ANKRD11: variants seen among roughly 807,000 people sequenced by gnomAD.
The protein encoded by ANKRD11 is ankyrin repeat domain 11, also known as ankyrin repeat domain-containing protein 11.
A neutral mutation model predicts 195.7 loss-of-function variants in ANKRD11; 17 were observed. The observed-to-expected ratio is 0.09, with a 90% confidence interval of 0.06 to 0.13. The LOEUF is 0.13. ANKRD11 is among the 10% of genes least tolerant of loss of function. ANKRD11 has a pLI of 1.00. For synonymous variants in ANKRD11, 1,953 were observed against 1,528.1 expected, an observed-to-expected ratio of 1.28 and a Z score of -6.49; for missense variants, 3,735 against 3,566.1, an observed-to-expected ratio of 1.05 and a Z score of -1.21.
Position 89,274,963 on chromosome 16 carries a change from G to A in ANKRD11, c.7570-6C>T, listed in dbSNP as rs752936167. The A allele has an allele frequency of 9.3e-6, 15 of 1,613,208 alleles. No individual in the cohort carries two copies. In the South Asian group the frequency reaches 1.5e-4, roughly 17 times the overall value. On this transcript the variant is annotated splice_polypyrimidine_tract_variant and splice_region_variant and intron_variant, in intron 10 of 12. Coordinates refer to ENST00000301030, the MANE Select transcript of ANKRD11 (RefSeq NM_013275.6). Reference sequence around the variant, plus strand: ...CAGGATACGATCAGCTTCTCCTGAAGGAGGAGAGGAGTAGAGTGAGCTGGG... The same window carrying A: ...CAGGATACGATCAGCTTCTCCTGAAAGAGGAGAGGAGTAGAGTGAGCTGGG...
intron 2 of ANKRD11, among the ~76,000 whole-genome samples, chr16:89,345,561 G>A (rs1392773540): frequency 2.6e-5 from 4 of 152,212 alleles, no homozygotes; most frequent in African/African-American, 7.2e-5. Flanking sequence ...ATAAATTTCT[G>A]TTCTTTATAA....
intron 2 of ANKRD11, among the ~76,000 whole-genome samples, chr16:89,340,220 C>T (rs1033021411): frequency 3.3e-5 from 5 of 152,240 alleles, no homozygotes; most frequent in Non-Finnish European, 7.3e-5. Context: ...ACTGTATAGT[C>T]ATTCACAAAC....
rs775494693 is a variant in ANKRD11, at chr16:89,282,856, G to C, written c.3686C>G (p.Thr1229Arg). Reference sequence around the variant, plus strand: ...CTTCTGTTTATTTTTCTTATCTTGCGTGGAGTCCACTGAGGCTCTGTCCTT... The same window carrying C: ...CTTCTGTTTATTTTTCTTATCTTGCCTGGAGTCCACTGAGGCTCTGTCCTT... Reference protein sequence around the residue: ...DRKDRASVDSTQDKKNKQKLP... With the variant: ...DRKDRASVDSRQDKKNKQKLP... The change falls in exon 9 of 13, where the codon ACG becomes AGG. Residue 1229 changes from threonine to arginine, a missense_variant. By Grantham distance (71) the Thr-to-Arg change is moderately conservative. Transcript: ENST00000301030. 1 of 1,612,240 alleles carries C rather than the reference G, an allele frequency of 6.2e-7. No individual in the cohort carries two copies. The highest frequency in any genetic ancestry group is 1.1e-5 in the South Asian group (1 of 91,056).
intron 2 of ANKRD11, among the ~76,000 whole-genome samples, chr16:89,320,823 T>G (rs1328269184): frequency 6.6e-6 from 1 of 152,234 alleles, no homozygotes; most frequent in African/African-American, 2.4e-5. Context: ...CAGCCGTCCT[T>G]GCCCTGTGCC....
At chr16:89,460,246 C>G (rs914497209) in intron 1 of ANKRD11, among the ~76,000 whole-genome samples, 12 of 151,544 alleles carry the variant, frequency 7.9e-5, no homozygotes, top group Non-Finnish European at 1.8e-4. Context: ...TCAAAAACAA[C>G]AAGAACAAAA....
Position 89,343,272 on chromosome 16 carries a change from T to C in ANKRD11, c.-59-26194A>G, listed in dbSNP as rs1009546822. Among the ~76,000 whole-genome samples, 4 of 152,330 alleles carry C rather than the reference T, an allele frequency of 2.6e-5. No individual in the cohort carries two copies. In the South Asian group the frequency reaches 6.2e-4, roughly 24 times the overall value. On this transcript the variant is annotated intron_variant, in intron 2 of 12. Transcript: ENST00000301030. ...CCTCCCGAAGTGCTGGGATTACAGG[T>C]GTGAGCCACCGCACTGGGCCTGAGC...
chr16:89,459,518 A>G (rs1223083893), intron 1 of ANKRD11: 2 of 152,112 alleles, frequency 1.3e-5, no homozygotes, highest in African/African-American at 4.8e-5. Flanking sequence ...TTTATTTCCA[A>G]CCTTAAGTGA....
intron 4 of ANKRD11, among the ~76,000 whole-genome samples, chr16:89,297,064 G>A (rs574793998): frequency 6.4e-4 from 97 of 152,152 alleles, no homozygotes; most frequent in African/African-American, 2.2e-3. Flanking sequence ...CTCCCTGGGA[G>A]GTCTGAAGCT....
intron 1 of ANKRD11, among the ~76,000 whole-genome samples, chr16:89,428,360 C>T (rs920029294): frequency 6.6e-6 from 1 of 151,700 alleles, no homozygotes; most frequent in Non-Finnish European, 1.5e-5. Flanking sequence ...CCCGTCTCTA[C>T]TAAAAATACA....
intron 2 of ANKRD11, chr16:89,373,431 C>G (rs1308693686): frequency 6.6e-6 from 1 of 152,598 alleles, no homozygotes; most frequent in Admixed American, 6.5e-5. Flanking sequence ...CCAGGCCACC[C>G]TCTCCAGCCA....
rs532969703 is a variant in ANKRD11, at chr16:89,433,000, A to T, written c.-144-14632T>A. On this transcript the variant is annotated intron_variant, in intron 1 of 12. Coordinates refer to ENST00000301030, the MANE Select transcript of ANKRD11 (RefSeq NM_013275.6). ...TCTCTCTCTCTCTCTCCTCTCTCTC[A>T]CACACACACACACACACACGAAATA... 6.3e-3 allele frequency among the ~76,000 whole-genome samples: 916 copies of T among 146,094 alleles called. 10 individuals are homozygous for T. Among genetic ancestry groups the T allele is most frequent in the Middle Eastern group, 0.021 (6 of 290 alleles).
At chr16:89,428,670 T>C (rs1169587561) in intron 1 of ANKRD11, among the ~76,000 whole-genome samples, 2 of 151,474 alleles carry the variant, frequency 1.3e-5, no homozygotes, top group East Asian at 1.9e-4. Flanking sequence ...CCGAAGTGGA[T>C]GGATCACGAA....
At chr16:89,341,666 A>G (rs115857356) in intron 2 of ANKRD11, among the ~76,000 whole-genome samples, 2,234 of 152,342 alleles carry the variant, frequency 0.015, 47 homozygotes, top group African/African-American at 0.05. Flanking sequence ...CACGTATGCA[A>G]ACGTGGCTTT....
intron 7 of ANKRD11, chr16:89,286,390 G>C (rs112051663): frequency 1.3e-6 from 1 of 754,860 alleles, no homozygotes; most frequent in African/African-American, 1.7e-5. Flanking sequence ...CTCCTCTGTG[G>C]GAAGGGCTGC....
chr16:89,466,552 G>A (rs949919429), intron 1 of ANKRD11, among the ~76,000 whole-genome samples: 2 of 152,064 alleles, frequency 1.3e-5, no homozygotes, highest in African/African-American at 2.4e-5. Context: ...AATTCCTAAT[G>A]CCTGGCATCC....
chr16:89,358,896 G>T lies in ANKRD11; in HGVS notation c.-59-41818C>A, dbSNP rs2039607706. ...GCTGGAGCGCAGTGGTGCGATCATGGCTCACCACAGCCTCGACCTCCTGGG... is the reference window on the plus strand; with the variant it reads ...GCTGGAGCGCAGTGGTGCGATCATGTCTCACCACAGCCTCGACCTCCTGGG... On this transcript the variant is annotated intron_variant, in intron 2 of 12. Transcript: ENST00000301030. Among the ~76,000 whole-genome samples, 2 of 152,054 alleles carry T rather than the reference G, an allele frequency of 1.3e-5. 1 individual carries two copies. The highest frequency in any genetic ancestry group is 4.1e-4 in the South Asian group (2 of 4,832).
At chr16:89,334,169 A>AAAAAAAC (rs2038221625) in intron 2 of ANKRD11, among the ~76,000 whole-genome samples, 1 of 107,290 alleles carries the variant, frequency 9.3e-6, no homozygotes, top group African/African-American at 3.5e-5. Context: ...AAAAAAAAAA[A>AAAAAAAC]AAAACAGAGA....
At chr16:89,428,474 C>G (rs746320199) in intron 1 of ANKRD11, among the ~76,000 whole-genome samples, 3 of 151,816 alleles carry the variant, frequency 2.0e-5, no homozygotes, top group African/African-American at 7.3e-5. Flanking sequence ...TGCAGTGAGC[C>G]GAGACTGCGC....
At chr16:89,470,754 ACCAG>A (rs1228451301) in intron 1 of ANKRD11, among the ~76,000 whole-genome samples, 1 of 113,962 alleles carries the variant, frequency 8.8e-6, no homozygotes, top group Non-Finnish European at 2.0e-5. Context: ...CTTTGGTAGT[ACCAG>A]GCGGGTGGAT....
Sources: gnomAD v4.1 joint callset for allele counts (sites outside exome capture counted in the v4.1 genomes callset) on GRCh38, gnomAD v4.1.1 for gene constraint, MANE v1.5 for transcripts, NCBI Gene and HGNC (gene_info 2026-07-23, HGNC 2026-07-21) for gene names.